The following MOBP variants were observed in gnomAD, a reference collection of about 807,000 sequenced individuals.
The protein encoded by MOBP is myelin associated oligodendrocyte basic protein.
In MOBP, 5 loss-of-function variants were observed where a neutral mutation model predicts 15.0. That is an observed-to-expected ratio of 0.33 (90% CI 0.17 to 0.70). MOBP has a LOEUF of 0.70. Ranked by LOEUF, MOBP falls within the 30% of genes least tolerant of loss-of-function variation. The pLI is 0.67. For synonymous variants in MOBP, 88 were observed against 99.0 expected, an observed-to-expected ratio of 0.89 and a Z score of 0.66; for missense variants, 188 against 257.8, an observed-to-expected ratio of 0.73 and a Z score of 1.85.
At chr3:39,492,203 T>C (rs2042806285) in intron 2 of MOBP, among the ~76,000 whole-genome samples, 1 of 152,250 alleles carries the variant, frequency 6.6e-6, no homozygotes, top group South Asian at 2.1e-4. Context: ...GTGGCTTTGG[T>C]TGGATCAAGT....
At chr3:39,488,923 GGAAGCTAAATAT>G (rs1297764823) in intron 2 of MOBP, among the ~76,000 whole-genome samples, 2 of 152,116 alleles carry the variant, frequency 1.3e-5, no homozygotes, top group African/African-American at 4.8e-5. Flanking sequence ...TGATCTTCAT[GGAAGCTAAATAT>G]GAAGATTTAT....
intron 2 of MOBP, among the ~76,000 whole-genome samples, chr3:39,485,420 A>C (rs1245087127): frequency 6.6e-6 from 1 of 152,194 alleles, no homozygotes; most frequent in African/African-American, 2.4e-5. Context: ...TTAGAGACTA[A>C]GGTCTCTACG....
At chr3:39,503,111 A>G, downstream of MOBP, 1 of 476,554 alleles carries the variant, frequency 2.1e-6, no homozygotes, top group Admixed American at 3.9e-5. Context: ...GTTGTCTAAT[A>G]GGACTGGAAG....
intron 2 of MOBP, among the ~76,000 whole-genome samples, chr3:39,500,989 C>T (rs772496851): frequency 1.5e-4 from 23 of 152,120 alleles, no homozygotes; most frequent in Non-Finnish European, 1.0e-4. Context: ...GCAAAAACAA[C>T]GTATTTGTAA....
At chr3:39,496,690 T>C (rs997206349) in intron 2 of MOBP, among the ~76,000 whole-genome samples, 4 of 148,494 alleles carry the variant, frequency 2.7e-5, no homozygotes, top group Non-Finnish European at 6.0e-5. Flanking sequence ...TGAGACGGAG[T>C]TTCGCTCTTG....
At chr3:39,470,554 T>C (rs2042455410) in intron 1 of MOBP, among the ~76,000 whole-genome samples, 1 of 152,194 alleles carries the variant, frequency 6.6e-6, no homozygotes, top group African/African-American at 2.4e-5. Context: ...TCTTTTTTAC[T>C]AATACATCAC....
downstream of MOBP, among the ~76,000 whole-genome samples, chr3:39,520,552 G>A (rs73071822): frequency 2.6e-4 from 22 of 83,024 alleles, no homozygotes; most frequent in Admixed American, 2.0e-3. Context: ...GTGTGTGTGT[G>A]TGTGTATGTG....
chr3:39,472,625 CA>C (rs2042487261), intron 1 of MOBP, among the ~76,000 whole-genome samples: 1 of 152,104 alleles, frequency 6.6e-6, no homozygotes. Context: ...CTCACTCAGC[CA>C]AAAAATTGGG....
chr3:39,496,694 G>T (rs1455742099), intron 2 of MOBP, among the ~76,000 whole-genome samples: 1 of 146,914 alleles, frequency 6.8e-6, no homozygotes, highest in Non-Finnish European at 1.5e-5. Flanking sequence ...ACGGAGTTTC[G>T]CTCTTGTTGC....
At position 39,502,904 on chromosome 3, in the gene MOBP, C is replaced by T; in HGVS notation, c.*24C>T. On this transcript the variant is annotated 3_prime_UTR_variant, in exon 4 of 4. Coordinates refer to ENST00000684792, the MANE Select transcript of MOBP (RefSeq NM_001393704.1). The surrounding 1 kb of genome is among the most constrained non-coding windows in gnomAD (Gnocchi z 6.3). Reference sequence around the variant, plus strand: ...AACACCATCTCTTCCCTTTTGTTCCCCAGCCCTAAGGTTAGTAGTTGCTTC... The same window carrying T: ...AACACCATCTCTTCCCTTTTGTTCCTCAGCCCTAAGGTTAGTAGTTGCTTC... The T allele has an allele frequency of 9.4e-7, 1 of 1,069,224 alleles. No individual in the cohort carries two copies. The highest frequency in any genetic ancestry group is 1.6e-5 in the South Asian group (1 of 62,426). The allele number at this position is 1,069,224 out of a possible 1,614,324, so 66.2% of individuals were successfully genotyped here. A position where few individuals can be genotyped will look rare whatever the true frequency, so the allele number is the denominator to read the frequency against.
downstream of MOBP, among the ~76,000 whole-genome samples, chr3:39,517,026 C>G (rs911663065): frequency 5.3e-5 from 8 of 152,144 alleles, no homozygotes; most frequent in Admixed American, 2.6e-4. Context: ...TCACACATGT[C>G]TCTGTCCAGC....
At chr3:39,489,564 T>A (rs1339441648) in intron 2 of MOBP, among the ~76,000 whole-genome samples, 1 of 152,172 alleles carries the variant, frequency 6.6e-6, no homozygotes, top group Non-Finnish European at 1.5e-5. Context: ...ATAAATAAAT[T>A]GTCTCAGTAG....
downstream of MOBP, chr3:39,528,923 T>G (rs1223215662): frequency 1.3e-5 from 2 of 152,258 alleles, no homozygotes; most frequent in African/African-American, 2.4e-5. Context: ...TTATGTTGTG[T>G]TGTTTATGGC....
At chr3:39,503,527 G>A (rs1419840218), downstream of MOBP, among the ~76,000 whole-genome samples, 1 of 149,980 alleles carries the variant, frequency 6.7e-6, no homozygotes, top group Non-Finnish European at 1.5e-5. Flanking sequence ...AGAACCATAA[G>A]CAGGGAGTTA....
chr3:39,497,728 T>C (rs1214299797), intron 2 of MOBP, among the ~76,000 whole-genome samples: 1 of 152,252 alleles, frequency 6.6e-6, no homozygotes, highest in Non-Finnish European at 1.5e-5. Context: ...TGTTAGTTAT[T>C]TGCTTTATTA....
rs1354938303 is a variant in MOBP, at chr3:39,502,772, C to T, written c.444C>T (p.Ala148=). ...GCCCAGAGGTCCGACCACCGCCAGCCAAGCAGCGTCCCCCTCAGAAGTCCA... is the reference window on the plus strand; with the variant it reads ...GCCCAGAGGTCCGACCACCGCCAGCTAAGCAGCGTCCCCCTCAGAAGTCCA... ...RPRPEVRPPP[A]KQRPPQKSKQ... The change falls in exon 4 of 4, where the codon GCC becomes GCT. Residue 148 remains alanine (A), a synonymous_variant. Coordinates refer to ENST00000684792, the MANE Select transcript of MOBP (RefSeq NM_001393704.1). The surrounding 1 kb of genome is among the most constrained non-coding windows in gnomAD (Gnocchi z 6.3). 6 of 1,535,746 alleles carry T rather than the reference C, an allele frequency of 3.9e-6. No homozygotes were observed. In the Admixed American group the frequency reaches 5.9e-5, roughly 15 times the overall value.
intron 4 of MOBP, chr3:39,513,344 C>T: frequency 3.8e-6 from 6 of 1,580,566 alleles, no homozygotes; most frequent in South Asian, 1.1e-5. Flanking sequence ...ACATCACCTA[C>T]CTATGTCATG....
chr3:39,518,926 C>A, downstream of MOBP, among the ~76,000 whole-genome samples: 1 of 152,202 alleles, frequency 6.6e-6, no homozygotes, highest in East Asian at 1.9e-4. Context: ...AACACCTCAG[C>A]ACTCACAGGG....
At chr3:39,496,279 A>G in intron 2 of MOBP, among the ~76,000 whole-genome samples, 1 of 146,730 alleles carries the variant, frequency 6.8e-6, no homozygotes, top group Non-Finnish European at 1.5e-5. Context: ...GCTCAGTGCA[A>G]GCTCTGCCTC....
Sources: allele counts gnomAD v4.1 joint callset (sites outside exome capture counted in the v4.1 genomes callset), GRCh38; gene constraint gnomAD v4.1.1; non-coding constraint Gnocchi (gnomAD v3.1); transcripts MANE v1.5; gene names NCBI Gene and HGNC (gene_info 2026-07-23, HGNC 2026-07-21).